The following SESTD1 variants were observed in gnomAD, a reference collection of about 807,000 sequenced individuals.
SESTD1 encodes SEC14 domain and spectrin repeat-containing protein 1.
In SESTD1, 43 loss-of-function variants were observed where a neutral mutation model predicts 101.7. The observed-to-expected ratio is 0.42, with a 90% CI of 0.33 to 0.55. The LOEUF is 0.55. SESTD1 is among the 20% of genes least tolerant of loss of function. SESTD1 has a pLI of 0.07. For missense variants in SESTD1, 647 were observed against 815.1 expected (o/e 0.79, Z 2.51); for synonymous variants, 283 against 286.8 (o/e 0.99, Z 0.13).
chr2:179,139,566 T>C (rs1237638660), intron 9 of SESTD1, among the ~76,000 whole-genome samples: 4 of 152,204 alleles, frequency 2.6e-5, no homozygotes, highest in Non-Finnish European at 4.4e-5. Flanking sequence ...ATAGTTCCCC[T>C]TAACTGTTCT....
Position 179,106,922 on chromosome 2 carries a change from G to A in SESTD1, c.*2977C>T, listed in dbSNP as rs906637213. On this transcript the variant is annotated 3_prime_UTR_variant, in exon 18 of 18. Coordinates refer to ENST00000428443, the MANE Select transcript of SESTD1 (RefSeq NM_178123.5). ...CATTATATATTAAGCTTACACAGGA[G>A]CAAACAAATGATAAAAGAAAAAAAA... 2.1e-4 allele frequency: 32 copies of A among 151,146 alleles called. No individual in the cohort carries two copies. Among genetic ancestry groups the A allele is most frequent in the Admixed American group, 1.6e-3 (24 of 15,144 alleles). The allele number at this position is 151,146 out of a possible 1,614,324, so 9.4% of individuals were successfully genotyped here.
chr2:179,183,423 T>A (rs929918692), intron 2 of SESTD1, among the ~76,000 whole-genome samples: 12 of 152,096 alleles, frequency 7.9e-5, no homozygotes, highest in Admixed American at 2.0e-4. Flanking sequence ...ATAGCAAATA[T>A]CACTTTATTT....
intron 9 of SESTD1, among the ~76,000 whole-genome samples, chr2:179,135,047 C>A (rs1047259274): frequency 1.3e-5 from 2 of 152,054 alleles, no homozygotes; most frequent in African/African-American, 4.8e-5. Flanking sequence ...CAGGTTCAAG[C>A]GATTCTCCTG....
chr2:179,161,075 CTTTT>C (rs56092247), intron 5 of SESTD1, among the ~76,000 whole-genome samples: 3 of 134,218 alleles, frequency 2.2e-5, no homozygotes, highest in Non-Finnish European at 3.2e-5. Context: ...CCATACCTAG[CTTTT>C]TTTTTTTTTT....
chr2:179,123,016 C>A (rs933533389), intron 12 of SESTD1, among the ~76,000 whole-genome samples: 1 of 152,206 alleles, frequency 6.6e-6, no homozygotes, highest in Admixed American at 6.5e-5. Flanking sequence ...CCACTTTTTA[C>A]TAGTTCTCTG....
chr2:179,194,745 C>T (rs931902165), intron 1 of SESTD1, among the ~76,000 whole-genome samples: 14 of 152,070 alleles, frequency 9.2e-5, no homozygotes, highest in African/African-American at 2.7e-4. Context: ...GTAAATTATG[C>T]CAAACTAAGG....
Position 179,237,429 on chromosome 2 carries a change from G to A in SESTD1, c.-26+27070C>T, listed in dbSNP as rs149118471. ...ACCTGGCCCTTCCCACATTTCCATC[G>A]TAGCCTACATTTCCAGGCATAAAAT... On this transcript the variant is annotated intron_variant, in intron 1 of 17. Transcript: ENST00000428443. Among the ~76,000 whole-genome samples, 1,061 of 152,066 alleles carry A rather than the reference G, an allele frequency of 7.0e-3. 8 individuals are homozygous for A. The highest frequency in any genetic ancestry group is 0.011 in the Non-Finnish European group (770 of 67,992).
At chr2:179,170,281 T>C (rs1453430920) in intron 5 of SESTD1, among the ~76,000 whole-genome samples, 3 of 150,934 alleles carry the variant, frequency 2.0e-5, no homozygotes, top group South Asian at 2.1e-4. Flanking sequence ...GTTAAGAGAA[T>C]GACAAGGCAA....
intron 1 of SESTD1, among the ~76,000 whole-genome samples, chr2:179,204,229 A>T (rs2046561542): frequency 7.4e-6 from 1 of 134,960 alleles, no homozygotes; most frequent in African/African-American, 2.9e-5. Flanking sequence ...ATGAGACCAC[A>T]ATCATGCCCT....
At chr2:179,132,564 A>G (rs2045036059) in intron 9 of SESTD1, 138 bp from the exon 10 acceptor site, 2 of 973,748 alleles carry the variant, frequency 2.1e-6, no homozygotes, top group Non-Finnish European at 2.9e-6. Context: ...ATAGGCAGTA[A>G]ATGTTTCTTT....
intron 5 of SESTD1, chr2:179,162,654 T>C (rs1372300421): frequency 6.6e-6 from 1 of 151,968 alleles, no homozygotes; most frequent in African/African-American, 2.4e-5. Context: ...GGTATTAAGC[T>C]CTGTAGGAGT....
At chr2:179,212,048 A>T (rs2046657565) in intron 1 of SESTD1, among the ~76,000 whole-genome samples, 1 of 135,292 alleles carries the variant, frequency 7.4e-6, no homozygotes, top group African/African-American at 2.9e-5. Context: ...GCTGAATAGG[A>T]ACAGCTACAG....
In SESTD1 at chr2:179,201,918, T is replaced by TATTATAATAATA. The variant is rs529569934; in HGVS notation, c.-25-10053_-25-10052insTATTATTATAAT. 4.8e-5 allele frequency among the ~76,000 whole-genome samples: 5 copies of TATTATAATAATA among 103,278 alleles called. 1 individual carries two copies. Among genetic ancestry groups the TATTATAATAATA allele is most frequent in the African/African-American group, 2.2e-4 (5 of 23,106 alleles). The allele number at this position is 103,278 out of a possible 152,430, so 67.8% of individuals were successfully genotyped here. ...TGCACATGTACCCTAAAACTTAAAG[T>TATTATAATAATA]ATAATAATAATAATAATAATAATAA... On this transcript the variant is annotated intron_variant, in intron 1 of 17. Coordinates refer to ENST00000428443, the MANE Select transcript of SESTD1 (RefSeq NM_178123.5).
intron 1 of SESTD1, among the ~76,000 whole-genome samples, chr2:179,259,117 AC>A (rs1267793512): frequency 6.6e-6 from 1 of 152,130 alleles, no homozygotes; most frequent in Non-Finnish European, 1.5e-5. Flanking sequence ...CAATTCCTGC[AC>A]CTTTGTTTCT....
chr2:179,211,684 C>T lies in SESTD1; in HGVS notation c.-25-19818G>A, dbSNP rs1434408716. On this transcript the variant is annotated intron_variant, in intron 1 of 17. Transcript: ENST00000428443. Reference sequence around the variant, plus strand: ...GAATACTACTCTTCAGCCATAAAAACGAATGAAATAATGGCATTTACAGCA... The same window carrying T: ...GAATACTACTCTTCAGCCATAAAAATGAATGAAATAATGGCATTTACAGCA... Among the ~76,000 whole-genome samples the T allele has an allele frequency of 5.9e-5, 8 of 134,500 alleles. 2 individuals carry two copies. The highest frequency in any genetic ancestry group is 2.2e-4 in the Admixed American group (3 of 13,862). The allele number at this position is 134,500 out of a possible 152,430, so 88.2% of individuals were successfully genotyped here. A position where few individuals can be genotyped will look rare whatever the true frequency, so the allele number is the denominator to read the frequency against.
At chr2:179,171,310 A>C (rs948634203) in intron 5 of SESTD1, among the ~76,000 whole-genome samples, 5 of 152,176 alleles carry the variant, frequency 3.3e-5, no homozygotes, top group South Asian at 4.1e-4. Context: ...GTTTTCTCAA[A>C]TCTTTCTATC....
intron 5 of SESTD1, among the ~76,000 whole-genome samples, chr2:179,160,826 TGAA>T (rs1418040496): frequency 1.3e-5 from 2 of 152,082 alleles, no homozygotes; most frequent in African/African-American, 2.4e-5. Context: ...CAGAACATAA[TGAA>T]GTAGTATATA....
At chr2:179,156,894 C>T (rs1416943968) in intron 5 of SESTD1, among the ~76,000 whole-genome samples, 9 of 152,080 alleles carry the variant, frequency 5.9e-5, no homozygotes, top group African/African-American at 2.2e-4. Flanking sequence ...GAAATCTTTG[C>T]CTAAGCCAAT....
chr2:179,202,258 C>T (rs2046528694), intron 1 of SESTD1, among the ~76,000 whole-genome samples: 1 of 133,044 alleles, frequency 7.5e-6, no homozygotes, highest in Admixed American at 7.3e-5. Context: ...TTTGCTGTGT[C>T]CCGCTACTTT....
Sources: allele counts gnomAD v4.1 joint callset (sites outside exome capture counted in the v4.1 genomes callset), GRCh38; gene constraint gnomAD v4.1.1; transcripts MANE v1.5; gene names NCBI Gene and HGNC (gene_info 2026-07-23, HGNC 2026-07-21).